Variants in IQGAP2 observed in about 807,000 individuals in gnomAD.
IQGAP2 encodes ras GTPase-activating-like protein IQGAP2.
Under a neutral mutation model 201.3 loss-of-function variants are expected in IQGAP2, and 173 were observed. The observed-to-expected ratio is 0.86, with a 90% confidence interval of 0.76 to 0.98. IQGAP2 has a LOEUF of 0.98. Among genes scored for constraint, IQGAP2 ranks in the 50% least tolerant of loss-of-function variants. The pLI is 0.00. For synonymous variants in IQGAP2, 675 were observed against 673.9 expected (o/e 1.00, Z -0.03); for missense variants, 1,687 against 1,864.8 (o/e 0.90, Z 1.76).
At chr5:76,573,261 A>G (rs912175348) in intron 4 of IQGAP2, among the ~76,000 whole-genome samples, 2 of 152,206 alleles carry the variant, frequency 1.3e-5, no homozygotes, top group African/African-American at 2.4e-5. Context: ...GGTGTTATAG[A>G]GCAGATTTTA....
chr5:76,673,578 T>A lies in IQGAP2; in HGVS notation c.3198T>A (p.Leu1066=). 4 of 1,613,956 alleles carry A rather than the reference T, an allele frequency of 2.5e-6. No homozygotes were observed. The highest frequency in any genetic ancestry group is 2.5e-6 in the Non-Finnish European group (3 of 1,179,904). The change falls in exon 25 of 36, where the codon CTT becomes CTA. Residue 1066 remains leucine, a synonymous_variant. Coordinates refer to ENST00000274364, the MANE Select transcript of IQGAP2 (RefSeq NM_006633.5). ...DKVLNSIISS[L]DLLPYGLRYI... ...TCCTGAATTCTATCATTTCTTCCCT[T>A]GATCTACTGCCGTAAGTTGTACTTG... is the stretch of plus-strand genomic sequence containing the variant.
intron 2 of IQGAP2, among the ~76,000 whole-genome samples, chr5:76,529,173 ATCTGGTTAGTTTCTTTGTTTTGTCTTTCT>A (rs1377748430): frequency 3.9e-5 from 6 of 152,184 alleles, no homozygotes; most frequent in African/African-American, 1.2e-4. Flanking sequence ...TATGACTGAT[ATCTGGTTAGTTTCTTTGTTTTGTCTTTCT>A]TGAGCTGCTT....
rs781214232 is a variant in IQGAP2, at chr5:76,509,401, CT to C, written c.146+47745del. Among the ~76,000 whole-genome samples the C allele has an allele frequency of 1.9e-3, 278 of 143,204 alleles. 1 individual carries two copies. The highest frequency in any genetic ancestry group is 5.6e-3 in the East Asian group (28 of 4,970). 93.9% of individuals were successfully genotyped at this position (143,204 alleles called of 152,430 possible). On this transcript the variant is annotated intron_variant, in intron 2 of 35. Transcript: ENST00000274364. ...TGTTTTTTGTTTGCAATTCCTTGTCCTTTTTTTTTTTTTGAGACAGAGTCTC... is the reference window on the plus strand; with the variant it reads ...TGTTTTTTGTTTGCAATTCCTTGTCCTTTTTTTTTTTTGAGACAGAGTCTC...
chr5:76,580,365 G>A (rs371745277), intron 5 of IQGAP2, among the ~76,000 whole-genome samples: 11 of 151,844 alleles, frequency 7.2e-5, no homozygotes, highest in Admixed American at 2.0e-4. Context: ...CCCAGGAGGC[G>A]GAGATCACAA....
chr5:76,686,408 CT>C (rs1256457791), intron 30 of IQGAP2, among the ~76,000 whole-genome samples: 1 of 148,656 alleles, frequency 6.7e-6, no homozygotes, highest in Non-Finnish European at 1.5e-5. Flanking sequence ...TCTAAAGGTT[CT>C]ATAGTTTTAG....
chr5:76,561,104 AT>A (rs1744333347), intron 2 of IQGAP2, among the ~76,000 whole-genome samples: 1 of 152,146 alleles, frequency 6.6e-6, no homozygotes, highest in South Asian at 2.1e-4. Context: ...ATAGCATGAG[AT>A]TTCATCACAC....
chr5:76,688,296 C>T (rs1433404591), intron 30 of IQGAP2, among the ~76,000 whole-genome samples: 1 of 152,204 alleles, frequency 6.6e-6, no homozygotes, highest in Non-Finnish European at 1.5e-5. Context: ...TCTTAACTTT[C>T]AGAAATGCCC....
Position 76,702,606 on chromosome 5 carries a change from T to TCAGG in IQGAP2, c.4614+16_4614+17insCAGG, listed in dbSNP as rs754578211. The TCAGG allele has an allele frequency of 2.5e-5, 29 of 1,152,184 alleles. No individual in the cohort carries two copies. The highest frequency in any genetic ancestry group is 3.7e-5 in the Non-Finnish European group (28 of 759,466). 71.4% of individuals were successfully genotyped at this position (1,152,184 alleles called of 1,614,324 possible). A position where few individuals can be genotyped will look rare whatever the true frequency, so the allele number is the denominator to read the frequency against. ...CAATATTCAGGTAAGCTGCTGGAAT[T>TCAGG]TCTGCACATTGATGATAAATTTTAT... On this transcript the variant is annotated intron_variant, in intron 35 of 35. Coordinates refer to ENST00000274364, the MANE Select transcript of IQGAP2 (RefSeq NM_006633.5).
intron 2 of IQGAP2, among the ~76,000 whole-genome samples, chr5:76,529,112 G>C (rs1422358141): frequency 1.3e-5 from 2 of 152,206 alleles, no homozygotes; most frequent in African/African-American, 4.8e-5. Context: ...TGAGGGAGCA[G>C]GTGGCAGTGT....
chr5:76,558,154 A>T (rs1744077421), intron 2 of IQGAP2, among the ~76,000 whole-genome samples: 1 of 152,182 alleles, frequency 6.6e-6, no homozygotes, highest in Admixed American at 6.5e-5. Context: ...TATAGACAAA[A>T]ATGTGATTAC....
intron 1 of IQGAP2, among the ~76,000 whole-genome samples, chr5:76,416,278 C>T (rs6453218): frequency 0.08 from 12,154 of 152,198 alleles, 805 homozygotes; most frequent in African/African-American, 0.18. Context: ...TTGCTGCTTT[C>T]GTCACTCAAA....
intron 2 of IQGAP2, among the ~76,000 whole-genome samples, chr5:76,540,368 G>C (rs937178724): frequency 6.6e-6 from 1 of 152,168 alleles, no homozygotes; most frequent in Non-Finnish European, 1.5e-5. Flanking sequence ...TTAATCTGGT[G>C]GCAGAGTATG....
At position 76,704,525 on chromosome 5, in the gene IQGAP2, A is replaced by G. The variant is rs562995874; in HGVS notation, c.4614+1935A>G. Among the ~76,000 whole-genome samples, 185 of 152,380 alleles carry G rather than the reference A, an allele frequency of 1.2e-3. 7 individuals are homozygous for G. In the South Asian group the frequency reaches 0.036, roughly 30 times the overall value. ...AATGGATTGTGAAATGTTAATCCTTAGCTATATGCAGGTGACCAGTATGTC... is the reference window on the plus strand; with the variant it reads ...AATGGATTGTGAAATGTTAATCCTTGGCTATATGCAGGTGACCAGTATGTC... On this transcript the variant is annotated intron_variant, in intron 35 of 35. Coordinates refer to ENST00000274364, the MANE Select transcript of IQGAP2 (RefSeq NM_006633.5).
chr5:76,671,824 G>C lies in IQGAP2; in HGVS notation c.2909G>C (p.Ser970Thr), dbSNP rs1744351193. 6.2e-7 allele frequency: 1 copy of C among 1,614,004 alleles called. No homozygotes were observed. The highest frequency in any genetic ancestry group is 1.7e-5 in the Admixed American group (1 of 59,994). Reference protein sequence around the residue: ...GNPTVIKMVVSFNRGARGQNT... With the variant: ...GNPTVIKMVVTFNRGARGQNT... ...CCTACAGTCATCAAGATGGTCGTCA[G>C]CTTCAATAGAGGTGCCCGGGGACAG... The change falls in exon 24 of 36, where the codon AGC becomes ACC. Residue 970 changes from serine (S) to threonine (T), a missense_variant. Physicochemically the swap from Ser to Thr is moderately conservative, Grantham distance 58 (BLOSUM62 1). Coordinates refer to ENST00000274364, the MANE Select transcript of IQGAP2 (RefSeq NM_006633.5).
At chr5:76,651,710 C>T (rs1050528201) in intron 17 of IQGAP2, among the ~76,000 whole-genome samples, 5 of 151,494 alleles carry the variant, frequency 3.3e-5, no homozygotes, top group Admixed American at 2.0e-4. Context: ...TCCTGTGAGT[C>T]GATGATTCTT....
chr5:76,656,182 T>G (rs1752894589), intron 20 of IQGAP2, among the ~76,000 whole-genome samples: 3 of 151,308 alleles, frequency 2.0e-5, no homozygotes, highest in African/African-American at 7.3e-5. Flanking sequence ...GTTGTTGTTT[T>G]TGGGGTTTTT....
intron 15 of IQGAP2, among the ~76,000 whole-genome samples, chr5:76,635,361 A>G (rs1751040777): frequency 6.6e-6 from 1 of 152,202 alleles, no homozygotes; most frequent in African/African-American, 2.4e-5. Context: ...TCAAAGTTCA[A>G]GTGAATTGAC....
At chr5:76,640,719 TGC>T (rs1031306228) in intron 16 of IQGAP2, among the ~76,000 whole-genome samples, 3 of 152,234 alleles carry the variant, frequency 2.0e-5, no homozygotes, top group African/African-American at 7.2e-5. Context: ...TGCATTCTCT[TGC>T]CACCTCAGCA....
At chr5:76,443,171 G>A (rs1258502962) in intron 1 of IQGAP2, among the ~76,000 whole-genome samples, 1 of 152,194 alleles carries the variant, frequency 6.6e-6, no homozygotes, top group Non-Finnish European at 1.5e-5. Flanking sequence ...AGAGTGACAT[G>A]TCAGGATTTA....
Sources: allele counts gnomAD v4.1 joint callset (sites outside exome capture counted in the v4.1 genomes callset), GRCh38; gene constraint gnomAD v4.1.1; transcripts MANE v1.5; gene names NCBI Gene and HGNC (gene_info 2026-07-23, HGNC 2026-07-21).